ELAPOR1: variants seen among roughly 807,000 people sequenced by gnomAD.
ELAPOR1 encodes endosome-lysosome associated apoptosis and autophagy regulator 1.
Under a neutral mutation model 119.7 loss-of-function variants are expected in ELAPOR1, and 77 were observed. The observed-to-expected ratio is 0.64, with a 90% confidence interval of 0.54 to 0.78. The LOEUF (loss-of-function observed/expected upper bound fraction) is 0.78. Among genes scored for constraint, ELAPOR1 ranks in the 30% least tolerant of loss-of-function variants. ELAPOR1 has a pLI of 0.00. For synonymous variants in ELAPOR1, 481 were observed against 487.2 expected (o/e 0.99, Z 0.17); for missense variants, 1,115 against 1,270.4 (o/e 0.88, Z 1.86).
At position 109,144,061 on chromosome 1, in the gene ELAPOR1, A is replaced by ATATATATATATATATATATATT; in HGVS notation, c.154-17832_154-17831insATATATATATATATATATATTT. On this transcript the variant is annotated intron_variant, in intron 1 of 21. Transcript: ENST00000369939. ...TATATATATATATATATATTTATATATTTTTTTTTTTTTTTGAGATGGAGT... is the reference window on the plus strand; with the variant it reads ...TATATATATATATATATATTTATATATATATATATATATATATATATTTTTTTTTTTTTTTTTGAGATGGAGT... 6.7e-5 allele frequency among the ~76,000 whole-genome samples: 6 copies of ATATATATATATATATATATATT among 88,988 alleles called. 1 individual carries two copies. Among genetic ancestry groups the ATATATATATATATATATATATT allele is most frequent in the African/African-American group, 1.4e-4 (3 of 20,740 alleles). The allele number at this position is 88,988 out of a possible 152,430, so 58.4% of individuals were successfully genotyped here. A position where few individuals can be genotyped will look rare whatever the true frequency, so the allele number is the denominator to read the frequency against.
At chr1:109,163,526 A>G (rs1365295229) in intron 2 of ELAPOR1, among the ~76,000 whole-genome samples, 1 of 151,606 alleles carries the variant, frequency 6.6e-6, no homozygotes, top group African/African-American at 2.4e-5. Flanking sequence ...TTGAGTAGCT[A>G]GGATTACAGG....
At chr1:109,175,986 A>G (rs371095873) in intron 7 of ELAPOR1, among the ~76,000 whole-genome samples, 179 of 152,290 alleles carry the variant, frequency 1.2e-3, no homozygotes, top group African/African-American at 4.1e-3. Context: ...ACAAGGTCTA[A>G]AGATGCAAAT....
At chr1:109,139,833 A>C (rs958518265) in intron 1 of ELAPOR1, among the ~76,000 whole-genome samples, 2 of 151,796 alleles carry the variant, frequency 1.3e-5, no homozygotes, top group Non-Finnish European at 2.9e-5. Context: ...GTGCAGTGGC[A>C]TGATCTTGGC....
chr1:109,161,460 C>T (rs1204092492), intron 1 of ELAPOR1: 1 of 149,730 alleles, frequency 6.7e-6, no homozygotes, highest in Non-Finnish European at 1.5e-5. Context: ...GAAATACATA[C>T]CACTTCTGTG....
intron 13 of ELAPOR1, 134 bp from the exon 14 acceptor site, chr1:109,192,477 A>G: frequency 1.1e-6 from 1 of 949,868 alleles, no homozygotes. Context: ...GTGAGTAAAA[A>G]GAGTCAGATG....
At chr1:109,170,967 A>G (rs1265703659) in intron 3 of ELAPOR1, among the ~76,000 whole-genome samples, 1 of 152,224 alleles carries the variant, frequency 6.6e-6, no homozygotes, top group Non-Finnish European at 1.5e-5. Flanking sequence ...ATTTACATGC[A>G]GCATCTTATA....
At position 109,192,729 on chromosome 1, in the gene ELAPOR1, C is replaced by A. The variant is rs751874761; in HGVS notation, c.1802C>A (p.Ser601Tyr). The A allele has an allele frequency of 6.2e-7, 1 of 1,614,122 alleles. No individual in the cohort carries two copies. The highest frequency in any genetic ancestry group is 1.7e-5 in the Admixed American group (1 of 60,022). Residue 601 changes from serine (S) to tyrosine (Y), a missense_variant, in exon 14 of 22, where the codon TCC becomes TAC. Ser to Tyr is a moderately radical substitution (Grantham distance 144, BLOSUM62 -2). Transcript: ENST00000369939. ...CALEASDVGSSCTSCPAGYYI... is the reference protein window; with the variant it reads ...CALEASDVGSYCTSCPAGYYI... ...CTAGAAGCCTCTGATGTGGGCTCCT[C>A]CTGCACCTCTTGTCCTGCTGGTTAC...
At chr1:109,126,498 T>C (rs1028677451) in intron 1 of ELAPOR1, among the ~76,000 whole-genome samples, 1 of 151,758 alleles carries the variant, frequency 6.6e-6, no homozygotes, top group Non-Finnish European at 1.5e-5. Context: ...TGAGATGGAG[T>C]CTCGCTCTGT....
Position 109,175,695 on chromosome 1 carries a change from C to T in ELAPOR1, c.952+1858C>T, listed in dbSNP as rs555003424. ...TACAAAAATTAGCCCGGCGTGGGGG[C>T]GTGTGCCTGTAATCCCAGCTACTCA... On this transcript the variant is annotated intron_variant, in intron 7 of 21. Coordinates refer to ENST00000369939, the MANE Select transcript of ELAPOR1 (RefSeq NM_020775.5). Among the ~76,000 whole-genome samples, 4 of 150,168 alleles carry T rather than the reference C, an allele frequency of 2.7e-5. No individual in the cohort carries two copies. In the East Asian group the frequency reaches 6.0e-4, roughly 22 times the overall value.
intron 7 of ELAPOR1, among the ~76,000 whole-genome samples, chr1:109,180,765 G>A (rs764822340): frequency 6.6e-6 from 1 of 152,100 alleles, no homozygotes; most frequent in Non-Finnish European, 1.5e-5. Flanking sequence ...GGGAGTTTGA[G>A]ACCAGTCTGG....
chr1:109,203,225 GTAAAT>G lies in ELAPOR1; in HGVS notation c.*216_*220del, dbSNP rs1654287741. The stretch of plus-strand genomic sequence containing the variant: ...TGCCAAATATACCCACACTTTGTTT[GTAAAT>G]TATGCCCTTGCTTGTATCTTGTTTC... On this transcript the variant is annotated 3_prime_UTR_variant, in exon 22 of 22. Transcript: ENST00000369939. The G allele has an allele frequency of 1.9e-6, 1 of 533,134 alleles. No individual in the cohort carries two copies. Among genetic ancestry groups the G allele is most frequent in the African/African-American group, 2.0e-5 (1 of 49,984 alleles). 33.0% of individuals were successfully genotyped at this position (533,134 alleles called of 1,614,324 possible).
At chr1:109,175,928 CA>C (rs1465353999) in intron 7 of ELAPOR1, among the ~76,000 whole-genome samples, 3 of 148,626 alleles carry the variant, frequency 2.0e-5, no homozygotes, top group Non-Finnish European at 4.5e-5. Context: ...CAATTATTAT[CA>C]AAGTTAATTT....
chr1:109,124,420 A>T (rs1648646862), intron 1 of ELAPOR1, among the ~76,000 whole-genome samples: 1 of 152,166 alleles, frequency 6.6e-6, no homozygotes, highest in Non-Finnish European at 1.5e-5. Flanking sequence ...AAGGCTGCAT[A>T]GAGTTCCGTA....
chr1:109,123,618 T>C (rs1331013785), intron 1 of ELAPOR1, among the ~76,000 whole-genome samples: 2 of 152,208 alleles, frequency 1.3e-5, no homozygotes, highest in Admixed American at 6.5e-5. Context: ...AATAATCTTA[T>C]TGTTTTTGCA....
At chr1:109,161,219 G>C (rs1403162938) in intron 1 of ELAPOR1, among the ~76,000 whole-genome samples, 1 of 151,964 alleles carries the variant, frequency 6.6e-6, no homozygotes, top group Non-Finnish European at 1.5e-5. Flanking sequence ...AGACCAGCAT[G>C]GCTAACATGG....
At position 109,169,025 on chromosome 1, in the gene ELAPOR1, TAGC is replaced by T. The variant is rs1418222434; in HGVS notation, c.468-2840_468-2838del. Among the ~76,000 whole-genome samples, 4 of 152,334 alleles carry T rather than the reference TAGC, an allele frequency of 2.6e-5. No homozygotes were observed. The East Asian group carries it at 7.7e-4, about 29-fold the overall frequency. Reference sequence around the variant, plus strand: ...TTTATTAAACTTCAAGAGTTATTTATAGCTGATGTCGTGGAGCATATCAGCATT... The same window carrying T: ...TTTATTAAACTTCAAGAGTTATTTATTGATGTCGTGGAGCATATCAGCATT... On this transcript the variant is annotated intron_variant, in intron 3 of 21. Transcript: ENST00000369939.
intron 3 of ELAPOR1, among the ~76,000 whole-genome samples, chr1:109,170,649 G>A (rs67429814): frequency 0.1 from 15,306 of 152,178 alleles, 779 homozygotes; most frequent in Non-Finnish European, 0.12. Flanking sequence ...TCAGGAATTT[G>A]TACCCTATCC....
chr1:109,144,673 C>T (rs571859669), intron 1 of ELAPOR1, among the ~76,000 whole-genome samples: 116 of 152,116 alleles, frequency 7.6e-4, no homozygotes, highest in Middle Eastern at 3.4e-3. Flanking sequence ...ACCTGGGAGA[C>T]GGAGGTTGCA....
In ELAPOR1 at chr1:109,127,906, G is replaced by A. The variant is rs939978149; in HGVS notation, c.153+13570G>A. On this transcript the variant is annotated intron_variant, in intron 1 of 21. Coordinates refer to ENST00000369939, the MANE Select transcript of ELAPOR1 (RefSeq NM_020775.5). ...AGTCTTTTCTTTGAGACAGAGTCTC[G>A]CTCTGTCACCAGGCTAACGTGCAGT... Among the ~76,000 whole-genome samples, 10 of 148,580 alleles carry A rather than the reference G, an allele frequency of 6.7e-5. No individual in the cohort carries two copies. The South Asian group carries it at 1.7e-3, about 25-fold the overall frequency.
Sources: allele counts gnomAD v4.1 joint callset (sites outside exome capture counted in the v4.1 genomes callset), GRCh38; gene constraint gnomAD v4.1.1; transcripts MANE v1.5; gene names NCBI Gene and HGNC (gene_info 2026-07-23, HGNC 2026-07-21).